Variants in LRRC59 observed in about 807,000 individuals in gnomAD.
The protein encoded by LRRC59 is leucine-rich repeat-containing protein 59.
LRRC59 carries 18 observed loss-of-function variants against 33.5 expected under a neutral mutation model. The observed-to-expected ratio is 0.54, with a 90% confidence interval of 0.37 to 0.80. The LOEUF is 0.80. Ranked by LOEUF, LRRC59 falls within the 30% of genes least tolerant of loss-of-function variation. LRRC59 has a pLI of 0.00. For missense variants in LRRC59, 330 were observed against 391.9 expected (o/e 0.84, Z 1.33); for synonymous variants, 138 against 160.0 (o/e 0.86, Z 1.04).
intron 1 of LRRC59, chr17:50,396,425 G>T (rs578212454): frequency 6.6e-6 from 1 of 152,376 alleles, no homozygotes; most frequent in South Asian, 2.1e-4. Context: ...ACCCGTCCAC[G>T]GTGGAAGAAA....
At chr17:50,386,140 T>A (rs1913997389) in intron 5 of LRRC59, 1 of 152,194 alleles carries the variant, frequency 6.6e-6, no homozygotes, top group African/African-American at 2.4e-5. Context: ...GACTATTTTT[T>A]TTTTTTAAGG....
At chr17:50,384,664 T>C (rs984435607) in intron 6 of LRRC59, among the ~76,000 whole-genome samples, 1 of 150,092 alleles carries the variant, frequency 6.7e-6, no homozygotes, top group Non-Finnish European at 1.5e-5. Context: ...ACTTTGGAGG[T>C]TGAGGCAAGA....
chr17:50,391,179 C>T (rs1914134184), intron 4 of LRRC59, among the ~76,000 whole-genome samples: 1 of 152,180 alleles, frequency 6.6e-6, no homozygotes, highest in African/African-American at 2.4e-5. Flanking sequence ...GCAGAACAGA[C>T]ATCACTCCTA....
intron 5 of LRRC59, among the ~76,000 whole-genome samples, chr17:50,386,910 AT>A (rs1914017729): frequency 6.6e-6 from 1 of 152,136 alleles, no homozygotes; most frequent in Non-Finnish European, 1.5e-5. Context: ...TGCCTATATC[AT>A]TTACTTTCTA....
At chr17:50,395,075 T>C in intron 1 of LRRC59, 87 bp from the exon 2 acceptor site, 1 of 915,730 alleles carries the variant, frequency 1.1e-6, no homozygotes, top group Non-Finnish European at 1.8e-6. Flanking sequence ...TTCCAGAGAA[T>C]GTTCCCATGA....
intron 5 of LRRC59, among the ~76,000 whole-genome samples, chr17:50,387,232 A>G (rs895799121): frequency 6.6e-6 from 1 of 152,226 alleles, no homozygotes; most frequent in African/African-American, 2.4e-5. Context: ...ACATTTGAGC[A>G]GAGATGTGGG....
At chr17:50,392,061 A>G (rs1473656850) in intron 4 of LRRC59, among the ~76,000 whole-genome samples, 1 of 152,216 alleles carries the variant, frequency 6.6e-6, no homozygotes, top group Non-Finnish European at 1.5e-5. Flanking sequence ...TTAGCTGAGC[A>G]TGGTAGCAGG....
intron 4 of LRRC59, among the ~76,000 whole-genome samples, chr17:50,389,961 G>A (rs1048446236): frequency 2.0e-5 from 3 of 151,972 alleles, no homozygotes; most frequent in African/African-American, 7.3e-5. Context: ...AGCTGGGTGT[G>A]GTGGTGTGCG....
chr17:50,385,711 G>T (rs772182171), intron 5 of LRRC59, among the ~76,000 whole-genome samples: 9 of 152,182 alleles, frequency 5.9e-5, no homozygotes, highest in Admixed American at 2.0e-4. Context: ...CTTCAGAAAT[G>T]AATGTGGTAT....
At chr17:50,392,529 G>A (rs778177089) in intron 3 of LRRC59, 27 bp from the exon 4 acceptor site, 1 of 1,578,082 alleles carries the variant, frequency 6.3e-7, no homozygotes, top group East Asian at 2.2e-5. Flanking sequence ...TGGGCAAAGA[G>A]GCTCATTAAG....
intron 4 of LRRC59, among the ~76,000 whole-genome samples, 184 bp downstream of exon 4, chr17:50,392,210 AAAAC>A (rs1307001585): frequency 1.3e-5 from 2 of 152,180 alleles, no homozygotes; most frequent in Non-Finnish European, 2.9e-5. Context: ...AAACAAATAA[AAAAC>A]AAAAAGATAA....
intron 6 of LRRC59, among the ~76,000 whole-genome samples, chr17:50,383,635 G>T (rs542502781): frequency 2.6e-5 from 4 of 152,022 alleles, no homozygotes; most frequent in Non-Finnish European, 5.9e-5. Flanking sequence ...GATATAATGT[G>T]TATATAAAAA....
chr17:50,388,965 G>A (rs1914077669), intron 4 of LRRC59, among the ~76,000 whole-genome samples: 1 of 152,198 alleles, frequency 6.6e-6, no homozygotes, highest in Admixed American at 6.5e-5. Context: ...GGCGTGGCTA[G>A]CACAGAGTTT....
At chr17:50,395,379 AGGC>A (rs1914248545) in intron 1 of LRRC59, among the ~76,000 whole-genome samples, 1 of 145,020 alleles carries the variant, frequency 6.9e-6, no homozygotes, top group Admixed American at 6.8e-5. Flanking sequence ...AAAGAAAGGA[AGGC>A]AGGCAGGCAG....
intron 5 of LRRC59, among the ~76,000 whole-genome samples, 200 bp downstream of exon 5, chr17:50,387,860 C>T (rs997438101): frequency 6.6e-6 from 1 of 152,058 alleles, no homozygotes; most frequent in East Asian, 1.9e-4. Context: ...CAGTTGACTG[C>T]CTCTAGAGCA....
chr17:50,384,697 G>A (rs1317097983), intron 6 of LRRC59, among the ~76,000 whole-genome samples: 5 of 151,034 alleles, frequency 3.3e-5, no homozygotes, highest in South Asian at 2.1e-4. Flanking sequence ...CCCAGGAGAC[G>A]GAGGTTGCAG....
At chr17:50,394,515 A>G (rs762856941) in intron 2 of LRRC59, among the ~76,000 whole-genome samples, 8 of 152,222 alleles carry the variant, frequency 5.3e-5, no homozygotes, top group Non-Finnish European at 1.0e-4. Context: ...CCATCAAAAG[A>G]TGCACAAGGA....
At position 50,396,307 on chromosome 17, in the gene LRRC59, T is replaced by C. The variant is rs188465122; in HGVS notation, c.105+906A>G. ...GAGATGGAAACTATTATCACCATTG[T>C]ATAGATGAGGAGATCTAGGCATAAA... On this transcript the variant is annotated intron_variant, in intron 1 of 6. Transcript: ENST00000225972. The C allele has an allele frequency of 6.2e-4, 95 of 152,370 alleles. No individual in the cohort carries two copies. In the East Asian group the frequency reaches 0.018, roughly 28 times the overall value. 9.4% of individuals were successfully genotyped at this position (152,370 alleles called of 1,614,324 possible). A position where few individuals can be genotyped will look rare whatever the true frequency, so the allele number is the denominator to read the frequency against.
chr17:50,392,655 T>G, intron 3 of LRRC59, 84 bp downstream of exon 3: 1 of 1,566,736 alleles, frequency 6.4e-7, no homozygotes, highest in Non-Finnish European at 8.7e-7. Context: ...GGGGTATTTC[T>G]GTCAGCCTTT....
Sources: allele counts gnomAD v4.1 joint callset (sites outside exome capture counted in the v4.1 genomes callset), GRCh38; gene constraint gnomAD v4.1.1; transcripts MANE v1.5; gene names NCBI Gene and HGNC (gene_info 2026-07-23, HGNC 2026-07-21).